Variants in SSX1 observed in about 807,000 individuals in gnomAD.
SSX1 encodes the protein SSX family member 1.
Under a neutral mutation model 14.6 loss-of-function variants are expected in SSX1, and 58 were observed. The observed-to-expected ratio is 3.96, with a 90% CI of 3.21 to 4.93. The LOEUF (loss-of-function observed/expected upper bound fraction) is 4.93, where lower values mean the gene tolerates loss of function less well. Among genes scored for constraint, SSX1 ranks in the 30% most tolerant of loss-of-function variants. The pLI is 0.00. For missense variants in SSX1, 272 were observed against 143.1 expected (o/e 1.90, Z -4.60); for synonymous variants, 46 against 52.1 (o/e 0.88, Z 0.50).
chrX:48,263,677 T>A, intron 5 of SSX1, 105 bp from the exon 6 acceptor site: 1 of 1,077,946 alleles, frequency 9.3e-7, no homozygotes, highest in East Asian at 3.1e-5. Flanking sequence ...CCCCGCGTTG[T>A]TGAGAACATT....
chrX:48,266,279 C>T lies in SSX1; in HGVS notation c.467-8C>T. 8.3e-7 allele frequency: 1 copy of T among 1,209,886 alleles called. No homozygotes were observed. Among genetic ancestry groups the T allele is most frequent in the African/African-American group, 1.7e-5 (1 of 57,688 alleles). ...CAACCCTCATCTTCCAACTCTTCTC[C>T]ATCATAGGACCCAAAAGGGGGAAAC... On this transcript the variant is annotated splice_region_variant and splice_polypyrimidine_tract_variant and intron_variant, in intron 6 of 7. Coordinates refer to ENST00000376919, the MANE Select transcript of SSX1 (RefSeq NM_005635.4).
intron 5 of SSX1, among the ~76,000 whole-genome samples, chrX:48,262,171 A>C (rs1289375792): frequency 6.2e-5 from 7 of 112,313 alleles, no homozygotes; most frequent in Non-Finnish European, 1.3e-4. Flanking sequence ...AAATCTTCTA[A>C]GTTATCGGAG....
At chrX:48,263,515 C>G (rs55839103) in intron 5 of SSX1, among the ~76,000 whole-genome samples, 45,866 of 110,128 alleles carry the variant, frequency 0.42, 7,044 homozygotes, top group Non-Finnish European at 0.46. Flanking sequence ...GTACTACACT[C>G]TCAACTACAT....
chrX:48,261,625 T>C, intron 4 of SSX1, 141 bp from the exon 5 acceptor site: 2 of 690,236 alleles, frequency 2.9e-6, no homozygotes, highest in South Asian at 5.1e-5. Context: ...CTAAACATAA[T>C]TCAGAAGCAA....
At chrX:48,261,611 A>G (rs1266198319) in intron 4 of SSX1, among the ~76,000 whole-genome samples, 155 bp from the exon 5 acceptor site, 1 of 112,534 alleles carries the variant, frequency 8.9e-6, no homozygotes, top group Non-Finnish European at 1.9e-5. Context: ...TGAACCAACC[A>G]TGACTAAACA....
chrX:48,265,643 G>A (rs781834181), intron 6 of SSX1, among the ~76,000 whole-genome samples: 1 of 111,777 alleles, frequency 8.9e-6, no homozygotes, highest in South Asian at 3.8e-4. Flanking sequence ...ATAACGAAAA[G>A]AGTGTAATTG....
chrX:48,260,329 T>C (rs2059599815), intron 4 of SSX1, among the ~76,000 whole-genome samples: 1 of 110,725 alleles, frequency 9.0e-6, no homozygotes, highest in Non-Finnish European at 1.9e-5. Flanking sequence ...TTTGTTTGAG[T>C]TCATTGTAGA....
chrX:48,262,469 G>C (rs1442675824), intron 5 of SSX1, among the ~76,000 whole-genome samples: 1 of 112,001 alleles, frequency 8.9e-6, no homozygotes, highest in Non-Finnish European at 1.9e-5. Flanking sequence ...GGAAGGACCA[G>C]CTGGCCTCTG....
At chrX:48,261,378 A>C (rs2059603219) in intron 4 of SSX1, among the ~76,000 whole-genome samples, 2 of 112,242 alleles carry the variant, frequency 1.8e-5, no homozygotes, top group South Asian at 7.4e-4. Context: ...CACACATTTA[A>C]CAGCTTAATT....
chrX:48,264,614 G>A (rs1422031604), intron 6 of SSX1, among the ~76,000 whole-genome samples: 8 of 112,047 alleles, frequency 7.1e-5, no homozygotes, highest in African/African-American at 2.6e-4. Flanking sequence ...GTTGCTGAAG[G>A]GTGGAGTGGC....
intron 7 of SSX1, 31 bp downstream of exon 7, chrX:48,266,422 C>G: frequency 8.3e-7 from 1 of 1,209,307 alleles, no homozygotes. Flanking sequence ...CCCTCCACAT[C>G]CCTGCAGATG....
intron 2 of SSX1, 114 bp downstream of exon 2, chrX:48,257,424 G>C (rs2059586324): frequency 1.3e-5 from 15 of 1,169,486 alleles, no homozygotes; most frequent in Non-Finnish European, 1.7e-5. Flanking sequence ...TCTCGGGGGA[G>C]ATCTGGACCC....
chrX:48,262,613 G>A (rs1489951233), intron 5 of SSX1, among the ~76,000 whole-genome samples: 3 of 111,349 alleles, frequency 2.7e-5, no homozygotes, highest in Admixed American at 1.9e-4. Context: ...TCCCTCAGAG[G>A]CCCCTGAATG....
chrX:48,266,324 GC>G lies in SSX1; in HGVS notation c.505del (p.Arg169ValfsTer7). The G allele has an allele frequency of 8.3e-7, 1 of 1,210,112 alleles. No individual in the cohort carries two copies. The highest frequency in any genetic ancestry group is 1.1e-6 in the Non-Finnish European group (1 of 895,349). ...RGKHAWTHRL[R>X]ERKQLVIYEE... ...GGAAACATGCCTGGACCCACAGACT[GC>G]GTGAGAGAAAGCAGCTGGTGATTTA... On this transcript the variant is annotated frameshift_variant, in exon 7 of 8. Transcript: ENST00000376919. LOFTEE classifies it high-confidence loss of function.
intron 5 of SSX1, among the ~76,000 whole-genome samples, chrX:48,263,154 A>T (rs1400107728): frequency 9.3e-6 from 1 of 107,241 alleles, no homozygotes; most frequent in Non-Finnish European, 1.9e-5. Flanking sequence ...GAGTAGCTTA[A>T]TATTGTTGGT....
At chrX:48,257,653 C>T (rs2059587107) in intron 2 of SSX1, 93 bp from the exon 3 acceptor site, 1 of 1,131,054 alleles carries the variant, frequency 8.8e-7, no homozygotes, top group Non-Finnish European at 1.2e-6. Context: ...TTATCATCCT[C>T]ACTTCCCAGA....
At chrX:48,259,605 C>T (rs2059596854) in intron 4 of SSX1, among the ~76,000 whole-genome samples, 2 of 110,933 alleles carry the variant, frequency 1.8e-5, no homozygotes, top group South Asian at 7.7e-4. Flanking sequence ...TTCCCCCTCT[C>T]CCCACCCCAC....
intron 3 of SSX1, 86 bp from the exon 4 acceptor site, chrX:48,258,450 T>C: frequency 1.4e-6 from 1 of 697,461 alleles, no homozygotes; most frequent in Non-Finnish European, 2.3e-6. Flanking sequence ...TGCCTCAGCC[T>C]CCCAAAGTGC....
chrX:48,262,671 A>G (rs2059608605), intron 5 of SSX1, among the ~76,000 whole-genome samples: 1 of 111,691 alleles, frequency 9.0e-6, no homozygotes, highest in South Asian at 3.8e-4. Context: ...AGGTAAAGGG[A>G]TCTGGGAGTT....
Sources: gnomAD v4.1 joint callset for allele counts (sites outside exome capture counted in the v4.1 genomes callset) on GRCh38, gnomAD v4.1.1 for gene constraint, MANE v1.5 for transcripts, NCBI Gene and HGNC (gene_info 2026-07-23, HGNC 2026-07-21) for gene names.